The following SLC38A12 variants were observed in gnomAD, a reference collection of about 807,000 sequenced individuals.
SLC38A12 encodes putative sodium-coupled neutral amino acid transporter 12.
At chr17:74,807,974 C>A in the SLC38A12 span, among the ~76,000 whole-genome samples, 1 of 152,252 alleles carries the variant, frequency 6.6e-6, no homozygotes, top group South Asian at 2.1e-4. Flanking sequence ...CTCTATAAAC[C>A]CTGATGGCTC....
chr17:74,787,218 C>T, the SLC38A12 span, among the ~76,000 whole-genome samples: 9 of 152,286 alleles, frequency 5.9e-5, no homozygotes, highest in Non-Finnish European at 1.3e-4. Flanking sequence ...CAAGTGACCC[C>T]TCTGCCTCCT....
the SLC38A12 span, among the ~76,000 whole-genome samples, chr17:74,830,066 C>T: frequency 6.6e-5 from 10 of 152,078 alleles, no homozygotes; most frequent in African/African-American, 1.4e-4. Flanking sequence ...CCACAGAGAC[C>T]GAAGAGAGGT....
the SLC38A12 span, among the ~76,000 whole-genome samples, chr17:74,810,670 A>G: frequency 1.3e-5 from 2 of 152,354 alleles, no homozygotes; most frequent in Non-Finnish European, 2.9e-5. Flanking sequence ...GGGTCAGCCC[A>G]TTCCTGGGCT....
the SLC38A12 span, among the ~76,000 whole-genome samples, chr17:74,801,437 G>C: frequency 6.6e-6 from 1 of 152,008 alleles, no homozygotes; most frequent in African/African-American, 2.4e-5. Flanking sequence ...TGAGATGCAT[G>C]TCCCGGGTGC....
the SLC38A12 span, among the ~76,000 whole-genome samples, chr17:74,797,146 G>T: frequency 6.6e-6 from 1 of 152,216 alleles, no homozygotes; most frequent in Non-Finnish European, 1.5e-5. Context: ...TGAGCGCTGG[G>T]AATATTGGCT....
the SLC38A12 span, among the ~76,000 whole-genome samples, chr17:74,790,794 A>G: frequency 2.2e-3 from 326 of 149,748 alleles, no homozygotes; most frequent in African/African-American, 7.2e-3. Context: ...AAAAAAAAAG[A>G]CTGTGTTAAA....
At chr17:74,829,742 C>T in the SLC38A12 span, among the ~76,000 whole-genome samples, 270 of 152,266 alleles carry the variant, frequency 1.8e-3, 7 homozygotes, top group Admixed American at 0.017. The surrounding 1 kb of genome is among the most constrained non-coding windows in gnomAD (Gnocchi z 4.1). Context: ...TGGGATGGCT[C>T]TTTCTGCTCC....
chr17:74,835,235 G>T, the SLC38A12 span, among the ~76,000 whole-genome samples: 1 of 152,172 alleles, frequency 6.6e-6, no homozygotes, highest in South Asian at 2.1e-4. Context: ...CTCCAGCCTC[G>T]GTGTCAGCAG....
chr17:74,806,502 G>T, the SLC38A12 span, among the ~76,000 whole-genome samples: 2 of 152,296 alleles, frequency 1.3e-5, no homozygotes, highest in African/African-American at 4.8e-5. Flanking sequence ...CACGCCTGTA[G>T]TGCCCAGAGG....
the SLC38A12 span, chr17:74,795,528 G>A: frequency 3.9e-3 from 6,223 of 1,613,764 alleles, 24 homozygotes; most frequent in Non-Finnish European, 4.2e-3. Context: ...TATCAGCAGC[G>A]CCACTGGCAA....
chr17:74,817,370 T>C, the SLC38A12 span, among the ~76,000 whole-genome samples: 3 of 152,184 alleles, frequency 2.0e-5, no homozygotes, highest in Non-Finnish European at 4.4e-5. Context: ...CATCCATCTA[T>C]GGACGTTGCA....
chr17:74,784,230 T>C, the SLC38A12 span, among the ~76,000 whole-genome samples: 9 of 152,218 alleles, frequency 5.9e-5, no homozygotes, highest in Admixed American at 5.2e-4. Context: ...TTTTTAATGA[T>C]CAGAAACAGG....
chr17:74,839,140 C>T, the SLC38A12 span: 1 of 1,525,706 alleles, frequency 6.6e-7, no homozygotes, highest in East Asian at 2.5e-5. Context: ...GGCTGTTCCT[C>T]ACCTGAGGCT....
At chr17:74,794,947 G>GC in the SLC38A12 span, 1 of 1,028,570 alleles carries the variant, frequency 9.7e-7, no homozygotes, top group Non-Finnish European at 1.4e-6. Context: ...AAAAGAAGAA[G>GC]AAAAAAAAAA....
the SLC38A12 span, chr17:74,836,150 C>G: frequency 4.3e-6 from 7 of 1,613,674 alleles, no homozygotes; most frequent in African/African-American, 1.3e-5. This position sits in a 1 kb window ranked among gnomAD's most constrained non-coding sequence, Gnocchi z 4.2. Flanking sequence ...TGGCCTTCTA[C>G]GGCCTCCTCT....
the SLC38A12 span, among the ~76,000 whole-genome samples, chr17:74,815,280 G>A: frequency 1.3e-5 from 2 of 152,180 alleles, no homozygotes; most frequent in East Asian, 3.9e-4. Context: ...TTATCACAGG[G>A]CAGTTTTGAT....
the SLC38A12 span, among the ~76,000 whole-genome samples, chr17:74,787,810 T>G: frequency 1.3e-5 from 2 of 151,498 alleles, no homozygotes; most frequent in Non-Finnish European, 2.9e-5. Flanking sequence ...TTTTTTTTTT[T>G]TGAGACAGAA....
the SLC38A12 span, among the ~76,000 whole-genome samples, chr17:74,831,687 A>T: frequency 2.0e-5 from 3 of 152,140 alleles, no homozygotes; most frequent in Admixed American, 1.3e-4. Context: ...GCTCTTGGGG[A>T]ACTGCAGGCC....
the SLC38A12 span, chr17:74,790,856 G>A: frequency 9.7e-7 from 1 of 1,027,184 alleles, no homozygotes; most frequent in Non-Finnish European, 1.5e-6. Context: ...TGGACACTTG[G>A]GGATTTCATG....
Sources: allele counts gnomAD v4.1 joint callset (sites outside exome capture counted in the v4.1 genomes callset), GRCh38; gene constraint gnomAD v4.1.1; non-coding constraint Gnocchi (gnomAD v3.1); transcripts MANE v1.5; gene names NCBI Gene and HGNC (gene_info 2026-07-23, HGNC 2026-07-21).